Variants in SATB2 observed in about 807,000 individuals in gnomAD.
The protein encoded by SATB2 is DNA-binding protein SATB2.
A neutral mutation model predicts 73.4 loss-of-function variants in SATB2; 1 was observed. The observed-to-expected ratio is 0.01, with a 90% CI of 0.00 to 0.06. The LOEUF is 0.06. SATB2 is among the 10% of genes least tolerant of loss of function. SATB2 has a pLI of 1.00. For synonymous variants in SATB2, 397 were observed against 367.0 expected (o/e 1.08, Z -0.93); for missense variants, 459 against 945.8 (o/e 0.49, Z 6.75).
intron 5 of SATB2, among the ~76,000 whole-genome samples, chr2:199,379,193 T>C (rs1689691554): frequency 6.6e-6 from 1 of 152,166 alleles, no homozygotes; most frequent in African/African-American, 2.4e-5. Context: ...TCCCAGCCCA[T>C]GAACACAAAT....
At chr2:199,339,994 T>C (rs1688456822) in intron 7 of SATB2, among the ~76,000 whole-genome samples, 1 of 152,136 alleles carries the variant, frequency 6.6e-6, no homozygotes, top group Admixed American at 6.5e-5. Context: ...CCTTAATAAT[T>C]TGGGGCATGA....
At chr2:199,301,172 G>A (rs1456315772) in intron 10 of SATB2, among the ~76,000 whole-genome samples, 2 of 152,026 alleles carry the variant, frequency 1.3e-5, no homozygotes, top group African/African-American at 4.8e-5. Context: ...TAGAAAAGCT[G>A]CAATAGAATA....
intron 7 of SATB2, among the ~76,000 whole-genome samples, chr2:199,336,939 T>A (rs912716023): frequency 6.6e-6 from 1 of 152,298 alleles, no homozygotes; most frequent in African/African-American, 2.4e-5. Flanking sequence ...GCTTCCCTTA[T>A]AGGGTCCCCT....
At chr2:199,362,085 T>A (rs1028764757) in intron 6 of SATB2, among the ~76,000 whole-genome samples, 3 of 152,144 alleles carry the variant, frequency 2.0e-5, no homozygotes, top group Non-Finnish European at 4.4e-5. Context: ...CCTCCCTATA[T>A]CCAGCTAGTT....
chr2:199,430,431 C>A, intron 3 of SATB2, among the ~76,000 whole-genome samples: 1 of 152,152 alleles, frequency 6.6e-6, no homozygotes, highest in Admixed American at 6.5e-5. Context: ...TCTACATATG[C>A]AAAACAGCAA....
chr2:199,398,678 G>C (rs978082738), intron 3 of SATB2, among the ~76,000 whole-genome samples: 1 of 152,036 alleles, frequency 6.6e-6, no homozygotes, highest in South Asian at 2.1e-4. Flanking sequence ...ATATGAATTT[G>C]GGTTCTCTAT....
At chr2:199,360,937 A>C (rs1052348568) in intron 6 of SATB2, among the ~76,000 whole-genome samples, 1 of 151,770 alleles carries the variant, frequency 6.6e-6, no homozygotes, top group African/African-American at 2.4e-5. Context: ...ACCCTTGATA[A>C]CACTTCCCCC....
intron 10 of SATB2, among the ~76,000 whole-genome samples, chr2:199,282,055 GTATTTTTA>G (rs1398234984): frequency 6.6e-6 from 1 of 151,866 alleles, no homozygotes; most frequent in Non-Finnish European, 1.5e-5. Context: ...CTAATTTTTT[GTATTTTTA>G]GTAGAAACAG....
intron 10 of SATB2, among the ~76,000 whole-genome samples, chr2:199,278,053 T>C (rs1692370667): frequency 6.6e-6 from 1 of 152,124 alleles, no homozygotes; most frequent in Non-Finnish European, 1.5e-5. Flanking sequence ...GTAAATAAAA[T>C]ATCAGCTAGT....
chr2:199,330,489 T>G (rs1688155431), intron 7 of SATB2, among the ~76,000 whole-genome samples: 2 of 152,196 alleles, frequency 1.3e-5, no homozygotes, highest in East Asian at 3.8e-4. Context: ...TGTGCATGCA[T>G]GCATGCCCAA....
At chr2:199,333,457 T>C (rs1406008881) in intron 7 of SATB2, among the ~76,000 whole-genome samples, 3 of 152,000 alleles carry the variant, frequency 2.0e-5, no homozygotes, top group Non-Finnish European at 4.4e-5. Context: ...ATATAGATAG[T>C]ACATGGATAT....
chr2:199,296,403 G>C (rs1266007649), intron 10 of SATB2, among the ~76,000 whole-genome samples: 1 of 152,132 alleles, frequency 6.6e-6, no homozygotes, highest in Non-Finnish European at 1.5e-5. Context: ...GAAAACAGTA[G>C]ATGGAGTCCA....
chr2:199,290,473 A>C (rs150063154), intron 10 of SATB2, among the ~76,000 whole-genome samples: 1 of 152,336 alleles, frequency 6.6e-6, no homozygotes, highest in Non-Finnish European at 1.5e-5. Flanking sequence ...AGTCATCCTT[A>C]AATTTAGAAC....
chr2:199,401,296 C>A (rs1690466752), intron 3 of SATB2, among the ~76,000 whole-genome samples: 1 of 151,966 alleles, frequency 6.6e-6, no homozygotes. Context: ...ACCTGTAATA[C>A]CAGCACTTTG....
chr2:199,386,700 GCGCGCGCGCGCGCGCGCA>G (rs1689953374), intron 3 of SATB2, among the ~76,000 whole-genome samples: 10 of 2,150 alleles, frequency 4.7e-3, no homozygotes, highest in African/African-American at 0.017. Context: ...GCGCAAGCGC[GCGCGCGCGCGCGCGCGCA>G]CACACACACA....
chr2:199,300,111 C>T (rs749486803), intron 10 of SATB2, among the ~76,000 whole-genome samples: 123 of 151,196 alleles, frequency 8.1e-4, no homozygotes, highest in Admixed American at 7.3e-4. Flanking sequence ...TAGTCACTGC[C>T]TTCTTTTAGG....
chr2:199,368,617 T>C lies in SATB2; in HGVS notation c.688A>G (p.Lys230Glu). The change falls in exon 6 of 11, where the codon AAG (lysine) becomes GAG (glutamate). Residue 230 changes from lysine (K) to glutamate (E), a missense_variant. Transcript: ENST00000417098. ...QEFGRWYKKY[K>E]KIKVERVERE... ...AAAGTCAGTTTACCTTTAATCTTCT[T>C]GTACTTTTTATACCATCTCCCAAAC... 6.3e-7 allele frequency: 1 copy of C among 1,599,124 alleles called. No individual in the cohort carries two copies. The highest frequency in any genetic ancestry group is 8.6e-7 in the Non-Finnish European group (1 of 1,166,672).
At chr2:199,351,161 CTT>C (rs781572792) in intron 6 of SATB2, among the ~76,000 whole-genome samples, 29 of 131,520 alleles carry the variant, frequency 2.2e-4, no homozygotes, top group Admixed American at 3.1e-4. Flanking sequence ...TGTTTGCTTG[CTT>C]TTTTTTTTTT....
chr2:199,369,969 T>C (rs755594313), intron 5 of SATB2, among the ~76,000 whole-genome samples: 4 of 152,082 alleles, frequency 2.6e-5, no homozygotes, highest in Non-Finnish European at 5.9e-5. Flanking sequence ...TGAGGGAAGA[T>C]AGTAAGGATA....
Sources: gnomAD v4.1 joint callset for allele counts (sites outside exome capture counted in the v4.1 genomes callset) on GRCh38, gnomAD v4.1.1 for gene constraint, MANE v1.5 for transcripts, NCBI Gene and HGNC (gene_info 2026-07-23, HGNC 2026-07-21) for gene names.